Variants in NCKAP5L observed in about 807,000 individuals in gnomAD.
The protein encoded by NCKAP5L is NCK associated protein 5 like.
NCKAP5L carries 54 observed loss-of-function variants against 103.2 expected under a neutral mutation model. The ratio of observed to expected loss-of-function variants is 0.52; its 90% CI spans 0.42 to 0.66. The LOEUF (loss-of-function observed/expected upper bound fraction) is 0.66, where lower values mean the gene tolerates loss of function less well. Ranked by LOEUF, NCKAP5L falls within the 30% of genes least tolerant of loss-of-function variation. The pLI, the probability that NCKAP5L is intolerant of heterozygous loss-of-function variation, is 0.00. For synonymous variants in NCKAP5L, 762 were observed against 748.6 expected (o/e 1.02, Z -0.29); for missense variants, 1,733 against 1,750.6 (o/e 0.99, Z 0.18).
intron 5 of NCKAP5L, 61 bp downstream of exon 5, chr12:49,802,897 T>G (rs775473490): frequency 5.8e-6 from 9 of 1,550,832 alleles, no homozygotes; most frequent in African/African-American, 1.4e-5. Flanking sequence ...GCCCTTAGTC[T>G]CCAGGAAGGG....
chr12:49,814,271 T>C (rs1328661828), intron 1 of NCKAP5L, among the ~76,000 whole-genome samples: 2 of 149,622 alleles, frequency 1.3e-5, no homozygotes, highest in Admixed American at 1.3e-4. Flanking sequence ...GATCACGAGG[T>C]CAGAAGTTCG....
chr12:49,813,075 T>C (rs1565594386), intron 1 of NCKAP5L, among the ~76,000 whole-genome samples: 1 of 152,250 alleles, frequency 6.6e-6, no homozygotes. Flanking sequence ...CAAATATTTT[T>C]GGCCCACAGT....
At chr12:49,793,945 A>G in intron 8 of NCKAP5L, 49 bp from the exon 9 acceptor site, 1 of 1,414,256 alleles carries the variant, frequency 7.1e-7, no homozygotes, top group Non-Finnish European at 9.3e-7. Context: ...GCCTGCCCAG[A>G]CATTCCAGCC....
At chr12:49,798,907 C>T (rs1358870362) in intron 6 of NCKAP5L, among the ~76,000 whole-genome samples, 4 of 152,128 alleles carry the variant, frequency 2.6e-5, no homozygotes, top group Non-Finnish European at 5.9e-5. Flanking sequence ...AAAGAGATGG[C>T]AGGGAGTTAT....
chr12:49,797,222 C>A lies in NCKAP5L; in HGVS notation c.638G>T (p.Arg213Leu). The change falls in exon 8 of 13, where the codon CGG becomes CTG. Residue 213 changes from arginine to leucine, a missense_variant. Coordinates refer to ENST00000335999, the MANE Select transcript of NCKAP5L (RefSeq NM_001037806.4). The surrounding 1 kb of genome is among the most constrained non-coding windows in gnomAD (Gnocchi z 4.5). ...LLLCSPATPW[R>L]PPGQGPGSPE... is the part of the protein sequence containing the mutation. ...GGAGCCAGGCCCCTGGCCTGGAGGCCGCCAGGGGGTGGCAGGTGAGCAGAG... is the reference window on the plus strand; with the variant it reads ...GGAGCCAGGCCCCTGGCCTGGAGGCAGCCAGGGGGTGGCAGGTGAGCAGAG... The A allele has an allele frequency of 6.2e-7, 1 of 1,613,338 alleles. No individual in the cohort carries two copies. The highest frequency in any genetic ancestry group is 1.1e-5 in the South Asian group (1 of 91,060).
intron 1 of NCKAP5L, among the ~76,000 whole-genome samples, chr12:49,825,399 G>T (rs185088028): frequency 1.3e-5 from 2 of 152,174 alleles, no homozygotes; most frequent in African/African-American, 2.4e-5. Context: ...GCTAGAAAGG[G>T]CACTTGTTTT....
intron 9 of NCKAP5L, 143 bp from the exon 10 acceptor site, chr12:49,793,576 A>G: frequency 4.1e-6 from 5 of 1,230,794 alleles, no homozygotes; most frequent in Non-Finnish European, 5.6e-6. Context: ...GAGCCCCTGC[A>G]GACTGGGAAG....
At chr12:49,811,408 AC>A (rs1299676433) in intron 1 of NCKAP5L, among the ~76,000 whole-genome samples, 2 of 151,724 alleles carry the variant, frequency 1.3e-5, no homozygotes, top group Non-Finnish European at 2.9e-5. Flanking sequence ...GCAGAGGGGA[AC>A]CCCCTCACAC....
chr12:49,803,301 G>T, intron 3 of NCKAP5L, 136 bp from the exon 4 acceptor site: 2 of 813,660 alleles, frequency 2.5e-6, no homozygotes, highest in Non-Finnish European at 3.9e-6. Flanking sequence ...TTGGCTGTGA[G>T]CAGATTCTCA....
intron 2 of NCKAP5L, 59 bp from the exon 3 acceptor site, chr12:49,804,139 T>C: frequency 6.5e-7 from 1 of 1,527,462 alleles, no homozygotes; most frequent in East Asian, 2.3e-5. Context: ...AACCCTTTAG[T>C]CTCCTTGGAG....
At chr12:49,804,507 A>AAT (rs1565591574) in intron 2 of NCKAP5L, 1 of 152,462 alleles carries the variant, frequency 6.6e-6, no homozygotes, top group Non-Finnish European at 1.5e-5. Context: ...TAACAGTAAT[A>AAT]ATAATTTAAA....
intron 9 of NCKAP5L, 76 bp downstream of exon 9, chr12:49,793,658 A>G: frequency 6.9e-7 from 1 of 1,456,420 alleles, no homozygotes; most frequent in Non-Finnish European, 9.1e-7. Flanking sequence ...GGGGAAGGGG[A>G]ACCCTCTAGG....
chr12:49,795,126 G>C lies in NCKAP5L; in HGVS notation c.2734C>G (p.Arg912Gly), dbSNP rs199875832. 2.3e-5 allele frequency: 37 copies of C among 1,612,752 alleles called. No homozygotes were observed. Among genetic ancestry groups the C allele is most frequent in the Non-Finnish European group, 3.1e-5 (37 of 1,179,658 alleles). ...CAGCTGGCGATGCTGCTGGTGTTGCGGTGCTTGACCTCGGCGCCAGGGGCT... is the reference window on the plus strand; with the variant it reads ...CAGCTGGCGATGCTGCTGGTGTTGCCGTGCTTGACCTCGGCGCCAGGGGCT... The part of the protein sequence containing the change: ...ERAPGAEVKH[R>G]NTSSIASWFG... The change falls in exon 8 of 13, where the codon CGC (arginine) becomes GGC (glycine). Residue 912 changes from arginine (R) to glycine (G), a missense_variant. By Grantham distance (125) the Arg-to-Gly change is moderately radical (BLOSUM62 -2). Coordinates refer to ENST00000335999, the MANE Select transcript of NCKAP5L (RefSeq NM_001037806.4).
rs1187467033 is a variant in NCKAP5L, at chr12:49,828,372, T to C, written c.-149A>G. On this transcript the variant is annotated 5_prime_UTR_variant, in exon 1 of 13. The change abolishes an upstream ATG in the 5' untranslated region. Transcript: ENST00000335999. ...GGGCAGGCCGGATCCGCCAGGTCCA[T>C]GGCCGCGGCTTGGGGGCGGGGGGCA... 6.6e-6 allele frequency: 1 copy of C among 152,064 alleles called. No homozygotes were observed. Among genetic ancestry groups the C allele is most frequent in the Non-Finnish European group, 1.5e-5 (1 of 68,076 alleles). 9.4% of individuals were successfully genotyped at this position (152,064 alleles called of 1,614,324 possible). A position where few individuals can be genotyped will look rare whatever the true frequency, so the allele number is the denominator to read the frequency against.
rs1565583977 is a variant in NCKAP5L at position 49,792,914 on chromosome 12, C to T, written c.3413G>A (p.Gly1138Glu). 2 of 1,548,920 alleles carry T rather than the reference C, an allele frequency of 1.3e-6. No homozygotes were observed. The highest frequency in any genetic ancestry group is 1.9e-5 in the Admixed American group (1 of 53,804). The change falls in exon 11 of 13, where the codon GGG becomes GAG. Residue 1138 changes from glycine to glutamate, a missense_variant. By Grantham distance (98) the Gly-to-Glu change is moderately conservative. Coordinates refer to ENST00000335999, the MANE Select transcript of NCKAP5L (RefSeq NM_001037806.4). This position sits in a 1 kb window ranked among gnomAD's most constrained non-coding sequence, Gnocchi z 4.5. ...CTTAGGAAGATTCTTGCTGGGGGTC[C>T]CACTGCTACCATGGTCTGGGGGTGG... The part of the protein sequence containing the change: ...TFPPPDHGSS[G>E]TPSKNLPKTK...
In NCKAP5L at chr12:49,792,286, G is replaced by T. The variant is rs1470907; in HGVS notation, c.3792+160C>A. The T allele has an allele frequency of 0.088, 124,941 of 1,416,700 alleles. 15,406 individuals are homozygous for T. The highest frequency in any genetic ancestry group is 0.54 in the East Asian group (21,654 of 40,262). The allele number at this position is 1,416,700 out of a possible 1,614,324, so 87.8% of individuals were successfully genotyped here. A position where few individuals can be genotyped will look rare whatever the true frequency, so the allele number is the denominator to read the frequency against. On this transcript the variant is annotated intron_variant, in intron 12 of 12. Transcript: ENST00000335999. This position sits in a 1 kb window ranked among gnomAD's most constrained non-coding sequence, Gnocchi z 4.5. ...CGAGAGAAGTGCAAGGAGGGCAGTGGGGAGGGCCGCTCACAGGGCATCCCA... is the reference window on the plus strand; with the variant it reads ...CGAGAGAAGTGCAAGGAGGGCAGTGTGGAGGGCCGCTCACAGGGCATCCCA...
chr12:49,796,195 G>A lies in NCKAP5L; in HGVS notation c.1665C>T (p.Cys555=). 6.2e-7 allele frequency: 1 copy of A among 1,602,756 alleles called. No homozygotes were observed. Among genetic ancestry groups the A allele is most frequent in the South Asian group, 1.1e-5 (1 of 89,346 alleles). Residue 555 remains cysteine, a synonymous_variant, in exon 8 of 13, where the codon TGC becomes TGT. Transcript: ENST00000335999. ...TLSPGPVVSP[C]YENILDLSRS... The stretch of plus-strand genomic sequence containing the variant: ...GAGAAAGGTCCAGAATGTTCTCATA[G>A]CAGGGAGACACCACTGGGCCTGGGG...
intron 1 of NCKAP5L, among the ~76,000 whole-genome samples, chr12:49,812,893 T>C (rs1441316083): frequency 6.6e-6 from 1 of 151,834 alleles, no homozygotes; most frequent in Admixed American, 6.6e-5. Context: ...GTCCCTTATA[T>C]AAAAAATGGT....
chr12:49,799,780 C>G (rs1229342818), intron 6 of NCKAP5L, among the ~76,000 whole-genome samples: 2 of 152,238 alleles, frequency 1.3e-5, no homozygotes, highest in Non-Finnish European at 2.9e-5. Flanking sequence ...TCCCTTCACA[C>G]GTACTTTGCT....
Sources: gnomAD v4.1 joint callset for allele counts (sites outside exome capture counted in the v4.1 genomes callset) on GRCh38, gnomAD v4.1.1 for gene constraint, Gnocchi (gnomAD v3.1) non-coding constraint, MANE v1.5 for transcripts, NCBI Gene and HGNC (gene_info 2026-07-23, HGNC 2026-07-21) for gene names.